Variants in NDRG4 observed in about 807,000 individuals in gnomAD.
The protein encoded by NDRG4 is NDRG family member 4, also known as protein NDRG4.
Under a neutral mutation model 55.8 loss-of-function variants are expected in NDRG4, and 38 were observed. That is an observed-to-expected ratio of 0.68 (90% confidence interval 0.53 to 0.89). The LOEUF is 0.89. Ranked by LOEUF, NDRG4 falls within the 40% of genes least tolerant of loss-of-function variation. The pLI, the probability that NDRG4 is intolerant of heterozygous loss-of-function variation, is 0.00. For synonymous variants in NDRG4, 190 were observed against 182.7 expected (o/e 1.04, Z -0.32); for missense variants, 455 against 468.6 (o/e 0.97, Z 0.27).
intron 1 of NDRG4, among the ~76,000 whole-genome samples, chr16:58,474,282 G>A (rs912706299): frequency 1.2e-4 from 18 of 152,060 alleles, no homozygotes; most frequent in South Asian, 6.2e-4. Flanking sequence ...GCCTCAAGCC[G>A]TGCACCTGCC....
chr16:58,509,376 C>G, intron 13 of NDRG4, 24 bp downstream of exon 13: 1 of 1,611,430 alleles, frequency 6.2e-7, no homozygotes, highest in Non-Finnish European at 8.5e-7. Context: ...CACCCCACCC[C>G]ACACCACCTA....
chr16:58,506,170 A>C, intron 5 of NDRG4: 49 of 543,220 alleles, frequency 9.0e-5, no homozygotes, highest in East Asian at 2.0e-4. Context: ...GTGTGTGTGT[A>C]GGGGTGGAAA....
At chr16:58,482,431 TCTC>T (rs2034509694) in intron 1 of NDRG4, among the ~76,000 whole-genome samples, 1 of 152,128 alleles carries the variant, frequency 6.6e-6, no homozygotes, top group South Asian at 2.1e-4. Flanking sequence ...CTTGCCCTCT[TCTC>T]TTTCAGTTCT....
At position 58,512,320 on chromosome 16, in the gene NDRG4, C is replaced by G; in HGVS notation, c.*744C>G. On this transcript the variant is annotated 3_prime_UTR_variant, in exon 15 of 15. Transcript: ENST00000570248. Reference sequence around the variant, plus strand: ...CAGAAGTTGCCTGGTCCTCTGTCCCCACAGTGACCTGACTGGGGGTGAGGG... The same window carrying G: ...CAGAAGTTGCCTGGTCCTCTGTCCCGACAGTGACCTGACTGGGGGTGAGGG... 2.9e-6 allele frequency: 1 copy of G among 343,616 alleles called. No individual in the cohort carries two copies. The highest frequency in any genetic ancestry group is 2.1e-5 in the South Asian group (1 of 47,292). 21.3% of individuals were successfully genotyped at this position (343,616 alleles called of 1,614,324 possible).
chr16:58,483,382 A>G (rs907913650), intron 1 of NDRG4, among the ~76,000 whole-genome samples: 51 of 151,886 alleles, frequency 3.4e-4, no homozygotes, highest in Admixed American at 1.6e-3. Flanking sequence ...AAAAAAGAAG[A>G]AGGAGAAAAG....
At position 58,464,425 on chromosome 16, in the gene NDRG4, G is replaced by T; in HGVS notation, c.-24+628G>T. 2 of 1,367,436 alleles carry T rather than the reference G, an allele frequency of 1.5e-6. No individual in the cohort carries two copies. The highest frequency in any genetic ancestry group is 9.4e-7 in the Non-Finnish European group (1 of 1,063,010). 84.7% of individuals were successfully genotyped at this position (1,367,436 alleles called of 1,614,324 possible). On this transcript the variant is annotated intron_variant, in intron 1 of 15. Coordinates refer to the NDRG4 transcript ENST00000258187. The surrounding 1 kb of genome is among the most constrained non-coding windows in gnomAD (Gnocchi z 4.8). ...CACCCAGAGCCGGGCCGCGCCGGGC[G>T]CCGAGATGAAGGTGCTGGGACACCG...
intron 1 of NDRG4, 77 bp from the exon 2 acceptor site, chr16:58,503,720 AG>A: frequency 6.3e-7 from 1 of 1,593,076 alleles, no homozygotes; most frequent in East Asian, 2.3e-5. Context: ...AACAGGTACC[AG>A]GCTGCGTCAC....
At chr16:58,500,751 C>T (rs1351732207) in intron 1 of NDRG4, 11 of 407,758 alleles carry the variant, frequency 2.7e-5, no homozygotes, top group Non-Finnish European at 4.7e-5. Context: ...CGGGTCTGTG[C>T]GTGCAGGGGC....
chr16:58,506,311 T>G (rs772295820), intron 5 of NDRG4, 76 bp from the exon 6 acceptor site: 3 of 1,437,178 alleles, frequency 2.1e-6, no homozygotes, highest in Non-Finnish European at 9.8e-7. Flanking sequence ...AGCAGCACCT[T>G]GAAGACTTTA....
rs2031161381 is a variant in NDRG4, at chr16:58,464,407, A to G, written c.-24+610A>G. 2.2e-6 allele frequency: 3 copies of G among 1,367,820 alleles called. No individual in the cohort carries two copies. In the African/African-American group the frequency reaches 4.6e-5, roughly 21 times the overall value. The allele number at this position is 1,367,820 out of a possible 1,614,324, so 84.7% of individuals were successfully genotyped here. On this transcript the variant is annotated intron_variant, in intron 1 of 15. Transcript: ENST00000258187. The surrounding 1 kb of genome is among the most constrained non-coding windows in gnomAD (Gnocchi z 4.8). Reference sequence around the variant, plus strand: ...GCGCTGCCCCGACGCCGCCACCCAGAGCCGGGCCGCGCCGGGCGCCGAGAT... The same window carrying G: ...GCGCTGCCCCGACGCCGCCACCCAGGGCCGGGCCGCGCCGGGCGCCGAGAT...
At chr16:58,466,397 G>A (rs1423782966) in intron 1 of NDRG4, among the ~76,000 whole-genome samples, 1 of 152,234 alleles carries the variant, frequency 6.6e-6, no homozygotes, top group East Asian at 1.9e-4. Context: ...CCCCCAAAGG[G>A]CCTGGATGAG....
intron 5 of NDRG4, among the ~76,000 whole-genome samples, chr16:58,505,721 T>C (rs1381270300): frequency 2.3e-5 from 3 of 130,224 alleles, no homozygotes; most frequent in South Asian, 2.6e-4. Context: ...TTCTTTTTTT[T>C]TTTTTTTTTT....
intron 8 of NDRG4, 79 bp from the exon 9 acceptor site, chr16:58,507,729 G>T: frequency 1.5e-6 from 2 of 1,366,818 alleles, no homozygotes; most frequent in Non-Finnish European, 1.0e-6. Flanking sequence ...TTTACCAATT[G>T]GCAGTGTTGG....
At chr16:58,502,069 C>A in intron 1 of NDRG4, 1 of 454,688 alleles carries the variant, frequency 2.2e-6, no homozygotes, top group Non-Finnish European at 4.4e-6. Flanking sequence ...TGTGAACATG[C>A]AGCCTTCAGT....
intron 5 of NDRG4, chr16:58,506,054 A>G (rs1390133293): frequency 2.2e-6 from 1 of 454,358 alleles, no homozygotes; most frequent in African/African-American, 2.0e-5. Flanking sequence ...CAAAAAAACA[A>G]CATGCTTAAG....
At chr16:58,498,038 C>G (rs1285157507), upstream of NDRG4, among the ~76,000 whole-genome samples, 6 of 152,172 alleles carry the variant, frequency 3.9e-5, no homozygotes, top group East Asian at 1.2e-3. Context: ...GGTTTGCAGA[C>G]AGCTGAGCAG....
Position 58,506,437 on chromosome 16 carries a change from C to T in NDRG4, c.423C>T (p.Pro141=), listed in dbSNP as rs1382889210. The T allele has an allele frequency of 1.9e-6, 3 of 1,606,148 alleles. No homozygotes were observed. Among genetic ancestry groups the T allele is most frequent in the South Asian group, 1.1e-5 (1 of 90,848 alleles). The change falls in exon 6 of 15, where the codon CCC becomes CCT. Residue 141 remains proline, a synonymous_variant. Transcript: ENST00000570248. ...VEGLVLVNID[P]NGKGWIDWAA... ...GGCTGGTGCTGGTGAACATCGACCCCAATGGCAAAGGCTGGATAGACTGGG... is the reference window on the plus strand; with the variant it reads ...GGCTGGTGCTGGTGAACATCGACCCTAATGGCAAAGGCTGGATAGACTGGG...
chr16:58,481,747 T>C (rs1488451567), intron 1 of NDRG4, among the ~76,000 whole-genome samples: 1 of 152,114 alleles, frequency 6.6e-6, no homozygotes, highest in Admixed American at 6.5e-5. Flanking sequence ...CTCCTTCCTG[T>C]GCCTCTTATT....
At chr16:58,491,043 G>C (rs993708499) in intron 2 of NDRG4, among the ~76,000 whole-genome samples, 4 of 151,830 alleles carry the variant, frequency 2.6e-5, no homozygotes, top group Admixed American at 1.3e-4. Context: ...TTGGGAGGCC[G>C]AGGCGAGCGG....
Sources: gnomAD v4.1 joint callset for allele counts (sites outside exome capture counted in the v4.1 genomes callset) on GRCh38, gnomAD v4.1.1 for gene constraint, Gnocchi (gnomAD v3.1) non-coding constraint, MANE v1.5 for transcripts, NCBI Gene and HGNC (gene_info 2026-07-23, HGNC 2026-07-21) for gene names.